Variants in RAB37 observed in about 807,000 individuals in gnomAD.
The protein encoded by RAB37 is ras-related protein Rab-37.
RAB37 carries 29 observed loss-of-function variants against 33.1 expected under a neutral mutation model. That is an observed-to-expected ratio of 0.88 (90% confidence interval 0.65 to 1.20). The LOEUF (loss-of-function observed/expected upper bound fraction) is 1.20. Among genes scored for constraint, RAB37 ranks in the 50% most tolerant of loss-of-function variants. The probability of loss-of-function intolerance (pLI) is 0.00; values close to 1 mark genes in which losing one functional copy is unlikely to be tolerated. For missense variants in RAB37, 299 were observed against 301.1 expected (o/e 0.99, Z 0.05); for synonymous variants, 128 against 119.5 (o/e 1.07, Z -0.47).
chr17:74,719,040 A>G (rs1432995847), intron 1 of RAB37, among the ~76,000 whole-genome samples: 5 of 152,232 alleles, frequency 3.3e-5, no homozygotes, highest in African/African-American at 4.8e-5. Flanking sequence ...TCTTCTGCCC[A>G]GTGTTAATGT....
chr17:74,713,321 A>C lies in RAB37; in HGVS notation c.73-15935A>C, dbSNP rs368404170. On this transcript the variant is annotated intron_variant, in intron 1 of 7. Transcript: ENST00000340415. ...ACTCTGTCTCAAACAAAAACAAAAA[A>C]AAAAAAAAAAAGAGGAAGGAGGTGG... Among the ~76,000 whole-genome samples the C allele has an allele frequency of 4.4e-4, 67 of 152,036 alleles. 1 individual carries two copies. The highest frequency in any genetic ancestry group is 1.9e-3 in the Admixed American group (29 of 15,264).
At position 74,745,088 on chromosome 17, in the gene RAB37, AGAGCTGGGCAGGGAAGGGAAGT is replaced by A. The variant is rs775515983; in HGVS notation, c.566+6_566+27del. 3 of 1,612,776 alleles carry A rather than the reference AGAGCTGGGCAGGGAAGGGAAGT, an allele frequency of 1.9e-6. No individual in the cohort carries two copies. In the East Asian group the frequency reaches 6.7e-5, roughly 36 times the overall value. ...TAGCCTTTCTGGCCATCGCCAAGTG[AGAGCTGGGCAGGGAAGGGAAGT>A]GTGCGGGGCAGGGCGGCACACTCCA... On this transcript the variant is annotated splice_donor_5th_base_variant and intron_variant, in intron 8 of 8. Transcript: ENST00000392613. The surrounding 1 kb of genome is among the most constrained non-coding windows in gnomAD (Gnocchi z 4.5).
At chr17:74,702,460 A>C (rs2033141703) in intron 1 of RAB37, among the ~76,000 whole-genome samples, 1 of 152,264 alleles carries the variant, frequency 6.6e-6, no homozygotes, top group Non-Finnish European at 1.5e-5. Context: ...CAAAGAAAAC[A>C]AAATAATGCA....
Position 74,743,957 on chromosome 17 carries a change from A to T in RAB37, c.367-351A>T, listed in dbSNP as rs183899375. 2.6e-4 allele frequency among the ~76,000 whole-genome samples: 39 copies of T among 152,244 alleles called. No individual in the cohort carries two copies. In the East Asian group the frequency reaches 7.0e-3, roughly 27 times the overall value. ...TCATGGCAGACATCACTAATCAATC[A>T]CAGTACTTTTGATCACTGAAACCCT... On this transcript the variant is annotated intron_variant, in intron 5 of 8. Transcript: ENST00000392613.
intron 2 of RAB37, among the ~76,000 whole-genome samples, chr17:74,731,480 A>G (rs1223735598): frequency 6.6e-6 from 1 of 152,168 alleles, no homozygotes; most frequent in Non-Finnish European, 1.5e-5. Context: ...GGACCTGCCC[A>G]GGTCCTGTGT....
chr17:74,703,888 A>G (rs1388085927), intron 1 of RAB37, among the ~76,000 whole-genome samples: 1 of 152,254 alleles, frequency 6.6e-6, no homozygotes, highest in Non-Finnish European at 1.5e-5. Context: ...CTAGAAGGAC[A>G]TAGGAAGAAA....
At chr17:74,681,415 T>G (rs2031952808) in intron 1 of RAB37, among the ~76,000 whole-genome samples, 1 of 152,250 alleles carries the variant, frequency 6.6e-6, no homozygotes. Flanking sequence ...AAGAGACTCC[T>G]GTTGCACTTC....
chr17:74,690,360 A>C (rs1377481130), intron 1 of RAB37, among the ~76,000 whole-genome samples: 4 of 152,208 alleles, frequency 2.6e-5, no homozygotes, highest in Non-Finnish European at 4.4e-5. Flanking sequence ...TTGAGTGCTT[A>C]GAAATCTTGG....
At chr17:74,732,422 G>A (rs1284687287), upstream of RAB37, among the ~76,000 whole-genome samples, 5 of 151,900 alleles carry the variant, frequency 3.3e-5, no homozygotes, top group Non-Finnish European at 7.4e-5. Context: ...TTCTGCCATC[G>A]ACCTGGATAG....
intron 1 of RAB37, among the ~76,000 whole-genome samples, chr17:74,696,544 A>G (rs1004821070): frequency 2.0e-5 from 3 of 151,986 alleles, no homozygotes; most frequent in African/African-American, 7.3e-5. Flanking sequence ...CAGAATCCCA[A>G]CTCGGCCTGG....
intron 1 of RAB37, among the ~76,000 whole-genome samples, chr17:74,698,857 A>G (rs1227777848): frequency 6.6e-6 from 1 of 152,182 alleles, no homozygotes. Flanking sequence ...GTACCCCTGA[A>G]GCTAAAATAA....
chr17:74,681,846 A>G (rs1208093704), intron 1 of RAB37, among the ~76,000 whole-genome samples: 1 of 151,962 alleles, frequency 6.6e-6, no homozygotes, highest in Non-Finnish European at 1.5e-5. Flanking sequence ...TGTCTTGTCT[A>G]CTGCCTTCCC....
chr17:74,679,428 G>T (rs1357112002), intron 1 of RAB37, among the ~76,000 whole-genome samples: 2 of 151,880 alleles, frequency 1.3e-5, no homozygotes, highest in Non-Finnish European at 2.9e-5. Flanking sequence ...TCCTTCTCTG[G>T]GTCCCACCTC....
rs2034718131 is a variant in RAB37 at position 74,744,954 on chromosome 17, G to A, written c.489+25G>A. 6.2e-7 allele frequency: 1 copy of A among 1,614,234 alleles called. No individual in the cohort carries two copies. The highest frequency in any genetic ancestry group is 8.5e-7 in the Non-Finnish European group (1 of 1,180,026). On this transcript the variant is annotated intron_variant, in intron 7 of 8. Transcript: ENST00000392613. The surrounding 1 kb of genome is among the most constrained non-coding windows in gnomAD (Gnocchi z 4.2). ...GGTAAGTGATTGTCTGTGGGACAGG[G>A]TGAAGGGTGGGGGCAACCCGACGCT... is the stretch of plus-strand genomic sequence containing the variant.
intron 1 of RAB37, chr17:74,694,849 C>A: frequency 2.5e-6 from 1 of 400,016 alleles, no homozygotes; most frequent in Non-Finnish European, 4.4e-6. Flanking sequence ...CCATGAAAGC[C>A]CCAGAGCATA....
rs2034366140 is a variant in RAB37, at chr17:74,730,070, C to T, written c.183+704C>T. On this transcript the variant is annotated intron_variant, in intron 2 of 7. Transcript: ENST00000340415. This position sits in a 1 kb window ranked among gnomAD's most constrained non-coding sequence, Gnocchi z 4.4. Reference sequence around the variant, plus strand: ...TGCGAGACAAGGGATCCCTCCTTTACCACACATCCCATCTCCCCGCGTTGT... The same window carrying T: ...TGCGAGACAAGGGATCCCTCCTTTATCACACATCCCATCTCCCCGCGTTGT... Among the ~76,000 whole-genome samples, 1 of 152,168 alleles carries T rather than the reference C, an allele frequency of 6.6e-6. No homozygotes were observed. Among genetic ancestry groups the T allele is most frequent in the African/African-American group, 2.4e-5 (1 of 41,450 alleles).
intron 2 of RAB37, among the ~76,000 whole-genome samples, chr17:74,731,682 G>T (rs1337840997): frequency 6.6e-6 from 1 of 152,076 alleles, no homozygotes; most frequent in Non-Finnish European, 1.5e-5. Context: ...CCCTAGTCTT[G>T]CCTAAACACT....
intron 2 of RAB37, among the ~76,000 whole-genome samples, chr17:74,731,357 G>A (rs2034382087): frequency 6.6e-6 from 1 of 152,246 alleles, no homozygotes. Context: ...CAGGTGGCAG[G>A]GGAGGGACAG....
chr17:74,708,618 T>TA (rs1386850071), intron 1 of RAB37, among the ~76,000 whole-genome samples: 4 of 152,116 alleles, frequency 2.6e-5, no homozygotes, highest in Admixed American at 6.6e-5. Context: ...TTTTTAACAT[T>TA]AAAAAATCAA....
Sources: gnomAD v4.1 joint callset for allele counts (sites outside exome capture counted in the v4.1 genomes callset) on GRCh38, gnomAD v4.1.1 for gene constraint, Gnocchi (gnomAD v3.1) non-coding constraint, MANE v1.5 for transcripts, NCBI Gene and HGNC (gene_info 2026-07-23, HGNC 2026-07-21) for gene names.